RNF150: variants seen among roughly 807,000 people sequenced by gnomAD.
RNF150 encodes ring finger protein 150.
In RNF150, 24 loss-of-function variants were observed where a neutral mutation model predicts 39.3. The ratio of observed to expected loss-of-function variants is 0.61; its 90% CI spans 0.44 to 0.86. The LOEUF (loss-of-function observed/expected upper bound fraction) is 0.86. RNF150 is among the 40% of genes least tolerant of loss of function. RNF150 has a pLI of 0.00. For missense variants in RNF150, 502 were observed against 587.8 expected (o/e 0.85, Z 1.51); for synonymous variants, 255 against 227.3 (o/e 1.12, Z -1.10).
At chr4:140,915,486 G>A (rs943507096) in intron 5 of RNF150, among the ~76,000 whole-genome samples, 1 of 152,144 alleles carries the variant, frequency 6.6e-6, no homozygotes, top group African/African-American at 2.4e-5. Flanking sequence ...TCATTCCCTA[G>A]GAGAAAAACA....
In RNF150 at chr4:141,132,737, C is replaced by G; in HGVS notation, c.72G>C (p.Val24=). 1 of 1,610,676 alleles carries G rather than the reference C, an allele frequency of 6.2e-7. No individual in the cohort carries two copies. Among genetic ancestry groups the G allele is most frequent in the South Asian group, 1.1e-5 (1 of 91,038 alleles). Residue 24 remains valine, a synonymous_variant, in exon 1 of 7, where the codon GTG becomes GTC. Coordinates refer to ENST00000515673, the MANE Select transcript of RNF150 (RefSeq NM_020724.2). The surrounding 1 kb of genome is among the most constrained non-coding windows in gnomAD (Gnocchi z 4.9). ...CGGTAAAGTCCAGGCAGAGCAGATGCACGAAACAAAAGGAAAGCAGCCATG... is the reference window on the plus strand; with the variant it reads ...CGGTAAAGTCCAGGCAGAGCAGATGGACGAAACAAAAGGAAAGCAGCCATG... ...LSTWLLSFCF[V]HLLCLDFTVA... is the part of the protein sequence containing the mutation.
In RNF150 at chr4:140,867,978, C is replaced by T; in HGVS notation, c.*283G>A. On this transcript the variant is annotated 3_prime_UTR_variant, in exon 7 of 7. Transcript: ENST00000515673. ...GAAATCCTAAAGGTGGCCTTTCAGT[C>T]TCTGTTTTAGGAGCTTCTGAAGTGT... 1 of 315,444 alleles carries T rather than the reference C, an allele frequency of 3.2e-6. No homozygotes were observed. Among genetic ancestry groups the T allele is most frequent in the Non-Finnish European group, 5.8e-6 (1 of 173,758 alleles). 19.5% of individuals were successfully genotyped at this position (315,444 alleles called of 1,614,324 possible).
At chr4:140,993,610 T>C (rs1005605913) in intron 1 of RNF150, among the ~76,000 whole-genome samples, 1 of 152,166 alleles carries the variant, frequency 6.6e-6, no homozygotes, top group Non-Finnish European at 1.5e-5. Context: ...TGGCCAGCTG[T>C]TTATATGGCC....
chr4:141,170,969 C>T (rs919394378), intron 1 of RNF150, among the ~76,000 whole-genome samples: 2 of 152,048 alleles, frequency 1.3e-5, no homozygotes, highest in African/African-American at 4.8e-5. Flanking sequence ...ACATCCAAGG[C>T]CTGTGCTAGA....
At chr4:140,926,705 T>A (rs895913629) in intron 4 of RNF150, among the ~76,000 whole-genome samples, 1 of 152,208 alleles carries the variant, frequency 6.6e-6, no homozygotes, top group Non-Finnish European at 1.5e-5. Context: ...CATTACTAGC[T>A]TTTATCTTCG....
chr4:141,181,905 T>C (rs1032073279), intron 1 of RNF150, among the ~76,000 whole-genome samples: 3 of 152,160 alleles, frequency 2.0e-5, no homozygotes, highest in African/African-American at 4.8e-5. Flanking sequence ...GGAATGTGAA[T>C]TGGGATGTAC....
At chr4:141,184,031 G>A (rs1051853048) in intron 1 of RNF150, among the ~76,000 whole-genome samples, 10 of 152,140 alleles carry the variant, frequency 6.6e-5, no homozygotes, top group Admixed American at 5.2e-4. Flanking sequence ...CCAGTAATGG[G>A]ATTGCTGGGT....
intron 1 of RNF150, among the ~76,000 whole-genome samples, chr4:140,985,686 A>T (rs897263893): frequency 1.3e-5 from 2 of 152,126 alleles, no homozygotes; most frequent in Non-Finnish European, 2.9e-5. Flanking sequence ...CTAGTATAAA[A>T]ATCTAAATAA....
intron 6 of RNF150, among the ~76,000 whole-genome samples, chr4:140,897,633 A>G (rs1364885): frequency 0.56 from 84,640 of 152,022 alleles, 24,307 homozygotes; most frequent in East Asian, 0.84. Context: ...TCAGTTTCTT[A>G]GATATAAAAG....
At chr4:140,965,495 G>T (rs942818848) in intron 2 of RNF150, among the ~76,000 whole-genome samples, 10 of 152,096 alleles carry the variant, frequency 6.6e-5, no homozygotes, top group Non-Finnish European at 7.4e-5. Context: ...CGACCTAAGT[G>T]TCCATGTGTC....
intron 1 of RNF150, among the ~76,000 whole-genome samples, chr4:141,206,004 A>G (rs1728367694): frequency 2.0e-5 from 3 of 152,162 alleles, no homozygotes; most frequent in Admixed American, 6.5e-5. Flanking sequence ...TCTTTTTCCA[A>G]ATTCACTCAT....
chr4:140,892,167 C>G (rs1220944543), intron 6 of RNF150, among the ~76,000 whole-genome samples: 2 of 151,508 alleles, frequency 1.3e-5, no homozygotes, highest in Non-Finnish European at 2.9e-5. Context: ...ATTTTTTTGT[C>G]CTGAATATTT....
intron 6 of RNF150, among the ~76,000 whole-genome samples, chr4:140,874,584 G>A (rs1729075673): frequency 6.6e-6 from 1 of 152,146 alleles, no homozygotes; most frequent in South Asian, 2.1e-4. Flanking sequence ...TTGAGACTGG[G>A]TTTCGCTCTC....
In RNF150 at chr4:140,865,027, G is replaced by A. The variant is rs1728644744; in HGVS notation, c.*3234C>T. 6.6e-6 allele frequency: 1 copy of A among 152,134 alleles called. No homozygotes were observed. The highest frequency in any genetic ancestry group is 2.4e-5 in the African/African-American group (1 of 41,428). The allele number at this position is 152,134 out of a possible 1,614,324, so 9.4% of individuals were successfully genotyped here. A position where few individuals can be genotyped will look rare whatever the true frequency, so the allele number is the denominator to read the frequency against. On this transcript the variant is annotated 3_prime_UTR_variant, in exon 7 of 7. Transcript: ENST00000515673. Reference sequence around the variant, plus strand: ...TTTAACCTTCTTTTCTTTTGTAAGGGTCGGGGGATCTTGTGAGAATACTGG... The same window carrying A: ...TTTAACCTTCTTTTCTTTTGTAAGGATCGGGGGATCTTGTGAGAATACTGG...
At chr4:141,161,560 C>T (rs1727513036) in intron 1 of RNF150, among the ~76,000 whole-genome samples, 1 of 152,190 alleles carries the variant, frequency 6.6e-6, no homozygotes. Context: ...TGCTGATAGC[C>T]CAAGACAATG....
intron 1 of RNF150, among the ~76,000 whole-genome samples, chr4:141,166,008 G>A (rs781523510): frequency 2.6e-5 from 4 of 152,050 alleles, no homozygotes; most frequent in Non-Finnish European, 5.9e-5. Flanking sequence ...AATGAATCCA[G>A]GAGCTAGTTT....
chr4:141,006,890 T>C (rs974197670), intron 1 of RNF150, among the ~76,000 whole-genome samples: 2 of 152,218 alleles, frequency 1.3e-5, no homozygotes, highest in Non-Finnish European at 2.9e-5. Context: ...AAGCAAAATG[T>C]ATATATAGTT....
intron 6 of RNF150, among the ~76,000 whole-genome samples, chr4:140,873,421 G>A (rs939386730): frequency 6.6e-6 from 1 of 152,094 alleles, no homozygotes; most frequent in Non-Finnish European, 1.5e-5. Context: ...TCCCCCCAAA[G>A]AGCCTGAAAA....
At chr4:141,064,051 C>T (rs558268799) in intron 1 of RNF150, among the ~76,000 whole-genome samples, 6 of 147,726 alleles carry the variant, frequency 4.1e-5, no homozygotes, top group East Asian at 2.0e-4. Context: ...AGTTAAAAAA[C>T]GGCCTCCTAG....
Sources: allele counts gnomAD v4.1 joint callset (sites outside exome capture counted in the v4.1 genomes callset), GRCh38; gene constraint gnomAD v4.1.1; non-coding constraint Gnocchi (gnomAD v3.1); transcripts MANE v1.5; gene names NCBI Gene and HGNC (gene_info 2026-07-23, HGNC 2026-07-21).